Variants in MYOT observed in about 807,000 individuals in gnomAD.
The protein encoded by MYOT is myotilin, also known as 57 kDa cytoskeletal protein.
A neutral mutation model predicts 58.0 loss-of-function variants in MYOT; 36 were observed. The observed-to-expected ratio is 0.62, with a 90% CI of 0.48 to 0.82. The LOEUF (loss-of-function observed/expected upper bound fraction) is 0.82. Ranked by LOEUF, MYOT falls within the 40% of genes least tolerant of loss-of-function variation. MYOT has a pLI of 0.00. For missense variants in MYOT, 505 were observed against 592.1 expected, an observed-to-expected ratio of 0.85 and a Z score of 1.53; for synonymous variants, 218 against 204.6, an observed-to-expected ratio of 1.07 and a Z score of -0.56.
In MYOT at chr5:137,875,579, T is replaced by G. The variant is rs2691634; in HGVS notation, c.357-250T>G. On this transcript the variant is annotated intron_variant, in intron 2 of 9. Transcript: ENST00000239926. ...ACTTACTCTCACATTCCTTAGGGAA[T>G]ATCTTCAAGGAAGGACATCCTCCTT... is the stretch of plus-strand genomic sequence containing the variant. Among the ~76,000 whole-genome samples, 152,091 of 152,284 alleles carry G rather than the reference T, an allele frequency of 1. 75,949 individuals carry two copies. Among genetic ancestry groups the G allele is most frequent in the East Asian group, 1 (5,184 of 5,184 alleles).
intron 6 of MYOT, 28 bp downstream of exon 6, chr5:137,882,133 G>A (rs1317307370): frequency 1.9e-6 from 3 of 1,612,878 alleles, no homozygotes; most frequent in Non-Finnish European, 2.5e-6. Context: ...AAGTACTGGG[G>A]GAAAATTAAC....
chr5:137,869,035 TTAACTC>T (rs1172495638), intron 1 of MYOT, among the ~76,000 whole-genome samples: 2 of 152,198 alleles, frequency 1.3e-5, no homozygotes, highest in East Asian at 1.9e-4. Flanking sequence ...TAGTTTTAAT[TTAACTC>T]TAAACTACAT....
rs74861797 is a variant in MYOT at position 137,870,910 on chromosome 5, A to G, written c.259A>G (p.Thr87Ala). The change falls in exon 2 of 10, where the codon ACC becomes GCC. Residue 87 changes from threonine to alanine, a missense_variant. By Grantham distance (58) the Thr-to-Ala change is moderately conservative (BLOSUM62 0). Coordinates refer to ENST00000239926, the MANE Select transcript of MYOT (RefSeq NM_006790.3). Reference protein sequence around the residue: ...AGSNPGQRVTTTYNQSPASFL... With the variant: ...AGSNPGQRVTATYNQSPASFL... Reference sequence around the variant, plus strand: ...CTCCAACCCAGGCCAAAGGGTTACAACCACCTATAACCAGTCCCCAGCCAG... The same window carrying G: ...CTCCAACCCAGGCCAAAGGGTTACAGCCACCTATAACCAGTCCCCAGCCAG... 3 of 1,614,164 alleles carry G rather than the reference A, an allele frequency of 1.9e-6. No homozygotes were observed. The highest frequency in any genetic ancestry group is 2.2e-5 in the South Asian group (2 of 91,074).
chr5:137,875,910 T>C lies in MYOT; in HGVS notation c.438T>C (p.Pro146=), dbSNP rs1331200745. The part of the protein sequence containing the change: ...TANAKPIPRT[P]DHEIQGSKEA... ...ATGCTAAGCCCATACCAAGAACTCC[T>C]GATCATGAAATACAAGGATCAAAAG... The change falls in exon 3 of 10, where the codon CCT becomes CCC. Residue 146 remains proline (P), a synonymous_variant. Transcript: ENST00000239926. 6.2e-7 allele frequency: 1 copy of C among 1,614,128 alleles called. No homozygotes were observed. The highest frequency in any genetic ancestry group is 1.7e-5 in the Admixed American group (1 of 60,020).
intron 1 of MYOT, among the ~76,000 whole-genome samples, chr5:137,869,646 A>G (rs970011441): frequency 1.3e-5 from 2 of 152,174 alleles, no homozygotes; most frequent in Non-Finnish European, 2.9e-5. Flanking sequence ...AATTAGTCTG[A>G]GATCTCCAAA....
intron 2 of MYOT, among the ~76,000 whole-genome samples, chr5:137,875,405 G>A (rs1194414786): frequency 6.6e-6 from 1 of 152,006 alleles, no homozygotes; most frequent in African/African-American, 2.4e-5. Flanking sequence ...TCACCTCTTG[G>A]GTGACAGAAT....
In MYOT at chr5:137,887,460, C is replaced by G; in HGVS notation, c.*75C>G. 7.2e-7 allele frequency: 1 copy of G among 1,382,922 alleles called. No homozygotes were observed. Among genetic ancestry groups the G allele is most frequent in the African/African-American group, 1.4e-5 (1 of 69,536 alleles). The allele number at this position is 1,382,922 out of a possible 1,614,324, so 85.7% of individuals were successfully genotyped here. A position where few individuals can be genotyped will look rare whatever the true frequency, so the allele number is the denominator to read the frequency against. On this transcript the variant is annotated 3_prime_UTR_variant, in exon 10 of 10. Transcript: ENST00000239926. The stretch of plus-strand genomic sequence containing the variant: ...TTGATTACATTTTTTTGAAATTAAT[C>G]CATAGCTGTATTAACAGATTATGGT...
rs1390381436 is a variant in MYOT, at chr5:137,870,552, C to T, written c.-100C>T. 9.5e-6 allele frequency: 10 copies of T among 1,055,708 alleles called. No individual in the cohort carries two copies. The highest frequency in any genetic ancestry group is 7.1e-5 in the East Asian group (3 of 42,436). 65.4% of individuals were successfully genotyped at this position (1,055,708 alleles called of 1,614,324 possible). ...TTGCTTCTGATTCCTTACAACCTTCCGTAATTCCAGGCTTGTGGCCCCAAA... is the reference window on the plus strand; with the variant it reads ...TTGCTTCTGATTCCTTACAACCTTCTGTAATTCCAGGCTTGTGGCCCCAAA... On this transcript the variant is annotated 5_prime_UTR_variant, in exon 2 of 10. Coordinates refer to ENST00000239926, the MANE Select transcript of MYOT (RefSeq NM_006790.3).
chr5:137,869,987 G>A lies in MYOT; in HGVS notation c.-211-454G>A, dbSNP rs188190160. Among the ~76,000 whole-genome samples the A allele has an allele frequency of 7.2e-5, 11 of 151,976 alleles. 1 individual carries two copies. Among genetic ancestry groups the A allele is most frequent in the Admixed American group, 4.6e-4 (7 of 15,236 alleles). Reference sequence around the variant, plus strand: ...GAGAAAAAGAAGCAGTGAATTGTAAGGTTAAAAAGCAATCCACTCAGCTGG... The same window carrying A: ...GAGAAAAAGAAGCAGTGAATTGTAAAGTTAAAAAGCAATCCACTCAGCTGG... On this transcript the variant is annotated intron_variant, in intron 1 of 9. Coordinates refer to ENST00000239926, the MANE Select transcript of MYOT (RefSeq NM_006790.3).
intron 5 of MYOT, among the ~76,000 whole-genome samples, chr5:137,881,239 A>G (rs1055268346): frequency 1.3e-5 from 2 of 152,234 alleles, no homozygotes; most frequent in Non-Finnish European, 2.9e-5. Context: ...AAGATGTACA[A>G]TTTGTACCAG....
chr5:137,875,348 G>T (rs1755176057), intron 2 of MYOT, among the ~76,000 whole-genome samples: 1 of 152,100 alleles, frequency 6.6e-6, no homozygotes, highest in African/African-American at 2.4e-5. Context: ...CCGAAAGCAG[G>T]GAAAGAGGTG....
intron 1 of MYOT, among the ~76,000 whole-genome samples, chr5:137,869,444 C>T (rs1345138819): frequency 6.6e-6 from 1 of 152,006 alleles, no homozygotes. Context: ...ATTTTCATGG[C>T]AAATGTTTCA....
At chr5:137,877,471 C>A (rs1755266996) in intron 3 of MYOT, 49 bp from the exon 4 acceptor site, 3 of 1,306,376 alleles carry the variant, frequency 2.3e-6, no homozygotes, top group African/African-American at 1.5e-5. Flanking sequence ...TAAACCTGTA[C>A]AAACATCTTT....
chr5:137,877,609 A>G lies in MYOT; in HGVS notation c.621A>G (p.Ala207=), dbSNP rs1312744584. The change falls in exon 4 of 10, where the codon GCA becomes GCG. Residue 207 remains alanine, a synonymous_variant. Transcript: ENST00000239926. ...TTCAAGCTCAGGATGACAGTGGTGCACAAGACTCGCAGGTAAGTTAAAATG... is the reference window on the plus strand; with the variant it reads ...TTCAAGCTCAGGATGACAGTGGTGCGCAAGACTCGCAGGTAAGTTAAAATG... ...AVFQAQDDSG[A]QDSQQHNSEH... is the part of the protein sequence containing the mutation. 1 of 1,612,188 alleles carries G rather than the reference A, an allele frequency of 6.2e-7. No homozygotes were observed. Among genetic ancestry groups the G allele is most frequent in the Non-Finnish European group, 8.5e-7 (1 of 1,178,372 alleles).
intron 2 of MYOT, 62 bp downstream of exon 2, chr5:137,871,069 G>GT: frequency 7.0e-7 from 1 of 1,432,962 alleles, no homozygotes; most frequent in Non-Finnish European, 9.7e-7. Context: ...TTGCGAGGGG[G>GT]TAGGAGTTTT....
At chr5:137,884,551 C>T (rs1755536066) in intron 7 of MYOT, among the ~76,000 whole-genome samples, 1 of 152,118 alleles carries the variant, frequency 6.6e-6, no homozygotes, top group Admixed American at 6.5e-5. Flanking sequence ...TTAAATTTTA[C>T]ACTTTAAGTG....
intron 2 of MYOT, among the ~76,000 whole-genome samples, chr5:137,874,929 GC>G (rs1313821012): frequency 6.6e-6 from 1 of 152,180 alleles, no homozygotes; most frequent in Non-Finnish European, 1.5e-5. Flanking sequence ...TTCACTAAAA[GC>G]CAGTGGTGTG....
chr5:137,882,155 A>T, intron 6 of MYOT, 50 bp downstream of exon 6: 1 of 1,596,992 alleles, frequency 6.3e-7, no homozygotes, highest in Non-Finnish European at 8.6e-7. Flanking sequence ...ATGGGATACT[A>T]AGTTTTGAAA....
rs1051291683 is a variant in MYOT at position 137,876,402 on chromosome 5, C to T, written c.531+399C>T. Among the ~76,000 whole-genome samples, 8 of 152,094 alleles carry T rather than the reference C, an allele frequency of 5.3e-5. 1 individual carries two copies. Among genetic ancestry groups the T allele is most frequent in the Middle Eastern group, 6.3e-3 (2 of 316 alleles). On this transcript the variant is annotated intron_variant, in intron 3 of 9. Transcript: ENST00000239926. ...CTTATTGTGTATATTATATTAGTAACTTATCTTTAAACAGTACTATATGCC... is the reference window on the plus strand; with the variant it reads ...CTTATTGTGTATATTATATTAGTAATTTATCTTTAAACAGTACTATATGCC...
Sources: allele counts gnomAD v4.1 joint callset (sites outside exome capture counted in the v4.1 genomes callset), GRCh38; gene constraint gnomAD v4.1.1; transcripts MANE v1.5; gene names NCBI Gene and HGNC (gene_info 2026-07-23, HGNC 2026-07-21).